BBS9: variants seen among roughly 807,000 people sequenced by gnomAD.
The protein encoded by BBS9 is protein PTHB1.
A neutral mutation model predicts 117.7 loss-of-function variants in BBS9; 89 were observed. The observed-to-expected ratio is 0.76, with a 90% CI of 0.64 to 0.90. BBS9 has a LOEUF of 0.90. Among genes scored for constraint, BBS9 ranks in the 40% least tolerant of loss-of-function variants. The pLI is 0.00. For synonymous variants in BBS9, 379 were observed against 370.9 expected (o/e 1.02, Z -0.25); for missense variants, 982 against 1,042.2 (o/e 0.94, Z 0.80).
chr7:33,381,112 A>C (rs1824937005), intron 17 of BBS9, among the ~76,000 whole-genome samples: 1 of 152,200 alleles, frequency 6.6e-6, no homozygotes, highest in South Asian at 2.1e-4. Context: ...AGCCATGAGC[A>C]TCTATCATTG....
chr7:33,196,456 C>A (rs1006379069), intron 5 of BBS9, among the ~76,000 whole-genome samples: 1 of 152,192 alleles, frequency 6.6e-6, no homozygotes, highest in Non-Finnish European at 1.5e-5. Flanking sequence ...AGCCAGAACA[C>A]AGCCTTGCTT....
chr7:33,390,405 C>T lies in BBS9; in HGVS notation c.2115+2261C>T, dbSNP rs922941880. 4.1e-6 allele frequency: 4 copies of T among 985,136 alleles called. No individual in the cohort carries two copies. The African/African-American group carries it at 7.0e-5, about 17-fold the overall frequency. The allele number at this position is 985,136 out of a possible 1,614,324, so 61.0% of individuals were successfully genotyped here. On this transcript the variant is annotated intron_variant, in intron 19 of 22. Coordinates refer to ENST00000242067, the MANE Select transcript of BBS9 (RefSeq NM_198428.3). ...AGGTTTTCCATGATTTGTAATATTACAGACAAGACGATCAAAACCATGGCT... is the reference window on the plus strand; with the variant it reads ...AGGTTTTCCATGATTTGTAATATTATAGACAAGACGATCAAAACCATGGCT...
At chr7:33,616,217 A>AAT (rs1252006190) in intron 21 of BBS9, among the ~76,000 whole-genome samples, 5 of 151,064 alleles carry the variant, frequency 3.3e-5, no homozygotes, top group African/African-American at 2.4e-5. Flanking sequence ...AATGTATTAA[A>AAT]ATATATATAT....
intron 5 of BBS9, 42 bp downstream of exon 5, chr7:33,177,633 G>A (rs748506036): frequency 5.3e-5 from 70 of 1,326,102 alleles, no homozygotes; most frequent in Non-Finnish European, 7.4e-5. Flanking sequence ...TCAAGTGACA[G>A]ATTTAGAATA....
chr7:33,488,602 G>A (rs1843436351), intron 19 of BBS9, among the ~76,000 whole-genome samples: 1 of 152,082 alleles, frequency 6.6e-6, no homozygotes, highest in African/African-American at 2.4e-5. Flanking sequence ...GATTTTGAAG[G>A]TCTTTTCAGA....
At chr7:33,447,404 A>G (rs1837152765) in intron 19 of BBS9, among the ~76,000 whole-genome samples, 1 of 152,250 alleles carries the variant, frequency 6.6e-6, no homozygotes, top group Admixed American at 6.5e-5. Context: ...CATTTGCAGT[A>G]CTTAATACAT....
At chr7:33,229,894 C>G (rs1443516802) in intron 5 of BBS9, among the ~76,000 whole-genome samples, 1 of 152,070 alleles carries the variant, frequency 6.6e-6, no homozygotes. Context: ...CAAGAGTTCC[C>G]CTTTCTCTAC....
intron 17 of BBS9, among the ~76,000 whole-genome samples, chr7:33,371,694 GGA>G (rs1645244897): frequency 6.6e-6 from 1 of 151,908 alleles, no homozygotes; most frequent in South Asian, 2.1e-4. Flanking sequence ...ATTTGTTAGT[GGA>G]GAGATAAAGG....
chr7:33,178,324 G>A (rs147177237), intron 5 of BBS9, among the ~76,000 whole-genome samples: 2 of 152,310 alleles, frequency 1.3e-5, no homozygotes, highest in Non-Finnish European at 2.9e-5. Context: ...CTGGCTCAGT[G>A]AGACTGGGTT....
At chr7:33,366,928 G>A (rs780781214) in intron 16 of BBS9, among the ~76,000 whole-genome samples, 45 of 152,266 alleles carry the variant, frequency 3.0e-4, no homozygotes, top group Non-Finnish European at 5.0e-4. Flanking sequence ...TATTCTGGCC[G>A]GAGTTCTTCA....
At chr7:33,310,735 T>C (rs1299118423) in intron 9 of BBS9, among the ~76,000 whole-genome samples, 1 of 152,206 alleles carries the variant, frequency 6.6e-6, no homozygotes, top group African/African-American at 2.4e-5. Context: ...TATTTACTGG[T>C]AGAGGCCTGG....
At chr7:33,207,227 C>A (rs1421363386) in intron 5 of BBS9, among the ~76,000 whole-genome samples, 1 of 152,220 alleles carries the variant, frequency 6.6e-6, no homozygotes, top group East Asian at 1.9e-4. Context: ...TCAACATTCC[C>A]CCTTGAATTG....
rs369969312 is a variant in BBS9, at chr7:33,508,929, C to T, written c.2298+3284C>T. Among the ~76,000 whole-genome samples the T allele has an allele frequency of 4.5e-4, 68 of 152,282 alleles. No homozygotes were observed. The South Asian group carries it at 0.012, about 26-fold the overall frequency. On this transcript the variant is annotated intron_variant, in intron 20 of 22. Coordinates refer to ENST00000242067, the MANE Select transcript of BBS9 (RefSeq NM_198428.3). ...TCTGGGAATATGTAAGCATGCTTATCCCTGTAGGCAGGTGAATGGACTTAG... is the reference window on the plus strand; with the variant it reads ...TCTGGGAATATGTAAGCATGCTTATTCCTGTAGGCAGGTGAATGGACTTAG...
At chr7:33,372,370 G>A (rs1823035677) in intron 17 of BBS9, among the ~76,000 whole-genome samples, 1 of 152,136 alleles carries the variant, frequency 6.6e-6, no homozygotes, top group African/African-American at 2.4e-5. Context: ...AAAGGATGTT[G>A]AATTTGTCAA....
chr7:33,533,619 T>C (rs1363017531), intron 20 of BBS9: 1 of 330,312 alleles, frequency 3.0e-6, no homozygotes, highest in African/African-American at 2.1e-5. Flanking sequence ...TAAACAGACG[T>C]GTGCCTGATA....
At chr7:33,352,750 A>C (rs992259311) in intron 14 of BBS9, 109 bp from the exon 15 acceptor site, 1 of 1,281,290 alleles carries the variant, frequency 7.8e-7, no homozygotes, top group Non-Finnish European at 1.1e-6. Flanking sequence ...TTGAAATTTT[A>C]ATTTGTATTT....
chr7:33,279,019 CT>C (rs1349610169), intron 9 of BBS9, among the ~76,000 whole-genome samples: 1 of 152,180 alleles, frequency 6.6e-6, no homozygotes, highest in Non-Finnish European at 1.5e-5. Context: ...GTAATTATTA[CT>C]AACTTAGCTA....
At position 33,284,278 on chromosome 7, in the gene BBS9, C is replaced by G. The variant is rs148126908; in HGVS notation, c.1016+10322C>G. On this transcript the variant is annotated intron_variant, in intron 9 of 22. Transcript: ENST00000242067. Reference sequence around the variant, plus strand: ...TGTAGTCATTTCCTCATTCAATTTCCTTTTTTTGGGAGGTGGTAGTTATTG... The same window carrying G: ...TGTAGTCATTTCCTCATTCAATTTCGTTTTTTTGGGAGGTGGTAGTTATTG... Among the ~76,000 whole-genome samples, 72 of 152,088 alleles carry G rather than the reference C, an allele frequency of 4.7e-4. 1 individual carries two copies. Among genetic ancestry groups the G allele is most frequent in the African/African-American group, 1.6e-3 (65 of 41,484 alleles).
chr7:33,188,616 A>AGG (rs1363119653), intron 5 of BBS9, among the ~76,000 whole-genome samples: 1 of 152,224 alleles, frequency 6.6e-6, no homozygotes, highest in Non-Finnish European at 1.5e-5. Flanking sequence ...GTGTCATGGA[A>AGG]GGAGAGGGAA....
Sources: allele counts gnomAD v4.1 joint callset (sites outside exome capture counted in the v4.1 genomes callset), GRCh38; gene constraint gnomAD v4.1.1; transcripts MANE v1.5; gene names NCBI Gene and HGNC (gene_info 2026-07-23, HGNC 2026-07-21).